IL17RB: variants seen among roughly 807,000 people sequenced by gnomAD.
IL17RB encodes the protein interleukin 17 receptor B.
In IL17RB, 36 loss-of-function variants were observed where a neutral mutation model predicts 43.9. The observed-to-expected ratio is 0.82, with a 90% confidence interval of 0.63 to 1.08. The LOEUF (loss-of-function observed/expected upper bound fraction) is 1.08. IL17RB is among the 50% of genes least tolerant of loss of function. The probability of loss-of-function intolerance (pLI) is 0.00; values close to 1 mark genes in which losing one functional copy is unlikely to be tolerated. For missense variants in IL17RB, 613 were observed against 613.6 expected (o/e 1.00, Z 0.01); for synonymous variants, 225 against 225.4 (o/e 1.00, Z 0.02).
intron 8 of IL17RB, 173 bp from the exon 9 acceptor site, chr3:53,858,546 T>G: frequency 1.4e-6 from 2 of 1,429,098 alleles, no homozygotes; most frequent in Non-Finnish European, 1.8e-6. Context: ...GGGTCACTGG[T>G]TTTGACTTTA....
chr3:53,863,010 A>T (rs951882993), intron 10 of IL17RB, among the ~76,000 whole-genome samples: 11 of 152,190 alleles, frequency 7.2e-5, no homozygotes, highest in African/African-American at 2.4e-4. Context: ...CTACTCAACA[A>T]GATGATGACA....
chr3:53,849,401 C>T (rs1699049625), intron 2 of IL17RB, among the ~76,000 whole-genome samples: 1 of 152,144 alleles, frequency 6.6e-6, no homozygotes, highest in East Asian at 1.9e-4. Flanking sequence ...TTGGGTCAGG[C>T]GTGGTGGCTT....
At chr3:53,856,760 G>A (rs3821867) in intron 6 of IL17RB, 84 bp from the exon 7 acceptor site, 671,534 of 1,382,110 alleles carry the variant, frequency 0.49, 172,608 homozygotes, top group East Asian at 0.95. Context: ...GAGAACTTGG[G>A]TTTGTTTCCA....
chr3:53,858,403 TC>T, intron 8 of IL17RB: 1 of 1,121,946 alleles, frequency 8.9e-7, no homozygotes, highest in South Asian at 2.7e-5. Flanking sequence ...TCACTGCTGC[TC>T]CTTTTTTCTA....
In IL17RB at chr3:53,846,665, A is replaced by G; in HGVS notation, c.60+17A>G. The G allele has an allele frequency of 2.5e-6, 4 of 1,583,190 alleles. No homozygotes were observed. The African/African-American group carries it at 5.5e-5, about 22-fold the overall frequency. On this transcript the variant is annotated intron_variant, in intron 1 of 10. Coordinates refer to ENST00000288167, the MANE Select transcript of IL17RB (RefSeq NM_018725.4). ...CGAGAGCCGGTAAGCCCCCGCCAGC[A>G]CCTCTTCCCTCATCTCCCGGCCCTC...
chr3:53,865,542 A>G lies in IL17RB; in HGVS notation c.*234A>G. 2.1e-6 allele frequency: 1 copy of G among 483,396 alleles called. No homozygotes were observed. Among genetic ancestry groups the G allele is most frequent in the Admixed American group, 3.7e-5 (1 of 26,748 alleles). The allele number at this position is 483,396 out of a possible 1,614,324, so 29.9% of individuals were successfully genotyped here. On this transcript the variant is annotated 3_prime_UTR_variant, in exon 11 of 11. Coordinates refer to ENST00000288167, the MANE Select transcript of IL17RB (RefSeq NM_018725.4). ...ATACATAGAAATCAATTACAGTTTT[A>G]ATTGAAAACTATAACCATTTTGATA... is the stretch of plus-strand genomic sequence containing the variant.
intron 9 of IL17RB, 196 bp from the exon 10 acceptor site, chr3:53,859,934 C>T (rs1447451631): frequency 1.7e-5 from 8 of 465,732 alleles, no homozygotes; most frequent in East Asian, 1.1e-4. Flanking sequence ...TGCTTGAACC[C>T]GGGAGACGGA....
In IL17RB at chr3:53,855,337, G is replaced by A; in HGVS notation, c.525G>A (p.Lys175=). 6.2e-7 allele frequency: 1 copy of A among 1,601,752 alleles called. No individual in the cohort carries two copies. The highest frequency in any genetic ancestry group is 2.2e-5 in the East Asian group (1 of 44,814). Residue 175 remains lysine, a synonymous_variant, in exon 6 of 11, where the codon AAG becomes AAA. Coordinates refer to ENST00000288167, the MANE Select transcript of IL17RB (RefSeq NM_018725.4). Reference sequence around the variant, plus strand: ...TGAAATATAAAAAAAAGTGTGTCAAGGCCGGTAAGTAAATACGGCATTTGC... The same window carrying A: ...TGAAATATAAAAAAAAGTGTGTCAAAGCCGGTAAGTAAATACGGCATTTGC... The part of the protein sequence containing the change: ...HIMKYKKKCV[K]AGSLWDPNIT...
At position 53,856,886 on chromosome 3, in the gene IL17RB, A is replaced by C; in HGVS notation, c.572A>C (p.Glu191Ala). 6.2e-7 allele frequency: 1 copy of C among 1,614,058 alleles called. No homozygotes were observed. The highest frequency in any genetic ancestry group is 8.5e-7 in the Non-Finnish European group (1 of 1,179,936). The change falls in exon 7 of 11, where the codon GAG (glutamate) becomes GCG (alanine). Residue 191 changes from glutamate (E) to alanine (A), a missense_variant. Glu to Ala is a moderately radical substitution (Grantham distance 107). Transcript: ENST00000288167. Reference sequence around the variant, plus strand: ...AACATCACTGCTTGTAAGAAGAATGAGGAGACAGTAGAAGTGAACTTCACA... The same window carrying C: ...AACATCACTGCTTGTAAGAAGAATGCGGAGACAGTAGAAGTGAACTTCACA... Reference protein sequence around the residue: ...DPNITACKKNEETVEVNFTTT... With the variant: ...DPNITACKKNAETVEVNFTTT...
chr3:53,857,058 G>T (rs1699363339), intron 7 of IL17RB, 72 bp downstream of exon 7: 1 of 1,521,058 alleles, frequency 6.6e-7, no homozygotes, highest in African/African-American at 1.4e-5. Flanking sequence ...AATGGGGACA[G>T]TGTTGTCCAA....
intron 8 of IL17RB, 148 bp from the exon 9 acceptor site, chr3:53,858,571 A>G (rs1005414072): frequency 1.4e-6 from 2 of 1,449,482 alleles, no homozygotes; most frequent in East Asian, 5.0e-5. Flanking sequence ...TTTGTTACAG[A>G]TGTGTGACCA....
chr3:53,850,832 C>T (rs1211962007), intron 3 of IL17RB, among the ~76,000 whole-genome samples: 3 of 151,472 alleles, frequency 2.0e-5, no homozygotes, highest in Non-Finnish European at 4.4e-5. Flanking sequence ...AAATAAAAGT[C>T]AGGGTAGTGG....
At chr3:53,854,766 G>A (rs1699271746) in intron 5 of IL17RB, among the ~76,000 whole-genome samples, 1 of 152,244 alleles carries the variant, frequency 6.6e-6, no homozygotes, top group Non-Finnish European at 1.5e-5. Flanking sequence ...GGATAGGGGA[G>A]TGTTAGGCTT....
chr3:53,851,089 C>T lies in IL17RB; in HGVS notation c.227-910C>T, dbSNP rs528899541. On this transcript the variant is annotated intron_variant, in intron 3 of 10. Coordinates refer to ENST00000288167, the MANE Select transcript of IL17RB (RefSeq NM_018725.4). ...CTTTTCCACTTCCCAGATGACGTCA[C>T]GAAGCTTTTGGCATTTCCCCAAGAT... Among the ~76,000 whole-genome samples the T allele has an allele frequency of 1.4e-4, 22 of 152,316 alleles. No homozygotes were observed. In the South Asian group the frequency reaches 2.3e-3, roughly 16 times the overall value.
In IL17RB at chr3:53,865,638, C is replaced by CTGTT. The variant is rs1383139531; in HGVS notation, c.*332_*335dup. Reference sequence around the variant, plus strand: ...ACCATGCATTGCAGTGTACCCAGAACTGTTTAGCTAATATTCTATGTTTAA... The same window carrying CTGTT: ...ACCATGCATTGCAGTGTACCCAGAACTGTTTGTTTAGCTAATATTCTATGTTTAA... On this transcript the variant is annotated 3_prime_UTR_variant, in exon 11 of 11. Transcript: ENST00000288167. 4.8e-6 allele frequency: 1 copy of CTGTT among 209,644 alleles called. No individual in the cohort carries two copies. The highest frequency in any genetic ancestry group is 1.1e-4 in the East Asian group (1 of 8,848). 13.0% of individuals were successfully genotyped at this position (209,644 alleles called of 1,614,324 possible). A position where few individuals can be genotyped will look rare whatever the true frequency, so the allele number is the denominator to read the frequency against.
At position 53,865,215 on chromosome 3, in the gene IL17RB, C is replaced by T. The variant is rs1699743374; in HGVS notation, c.1416C>T (p.Ala472=). The T allele has an allele frequency of 6.2e-7, 1 of 1,613,934 alleles. No homozygotes were observed. Among genetic ancestry groups the T allele is most frequent in the African/African-American group, 1.3e-5 (1 of 75,022 alleles). The change falls in exon 11 of 11, where the codon GCC becomes GCT. Residue 472 remains alanine, a synonymous_variant. Transcript: ENST00000288167. The part of the protein sequence containing the change: ...VCPKYHLMKD[A]TAFCAELLHV... ...CCAAGTACCACCTCATGAAGGATGC[C>T]ACTGCTTTCTGTGCAGAACTTCTCC...
At chr3:53,847,564 C>T (rs962845711) in intron 1 of IL17RB, among the ~76,000 whole-genome samples, 1 of 151,346 alleles carries the variant, frequency 6.6e-6, no homozygotes, top group Non-Finnish European at 1.5e-5. Flanking sequence ...GAGGCTGAGG[C>T]GGCCGGATTG....
chr3:53,855,040 C>G (rs1699281951), intron 5 of IL17RB, among the ~76,000 whole-genome samples: 1 of 149,154 alleles, frequency 6.7e-6, no homozygotes, highest in African/African-American at 2.5e-5. Flanking sequence ...TGGCGTGAAC[C>G]TGGGTGGCAG....
At chr3:53,854,602 CA>C (rs1461437388) in intron 5 of IL17RB, among the ~76,000 whole-genome samples, 31 of 152,336 alleles carry the variant, frequency 2.0e-4, no homozygotes, top group African/African-American at 7.2e-4. Flanking sequence ...CTTATCCCAT[CA>C]GGGGTCCATG....
Sources: allele counts gnomAD v4.1 joint callset (sites outside exome capture counted in the v4.1 genomes callset), GRCh38; gene constraint gnomAD v4.1.1; transcripts MANE v1.5; gene names NCBI Gene and HGNC (gene_info 2026-07-23, HGNC 2026-07-21).